Variants in EHBP1L1 observed in about 807,000 individuals in gnomAD.
The protein encoded by EHBP1L1 is EH domain-binding protein 1-like protein 1.
A neutral mutation model predicts 151.1 loss-of-function variants in EHBP1L1; 122 were observed. That is an observed-to-expected ratio of 0.81 (90% CI 0.70 to 0.94). The LOEUF is 0.94. Ranked by LOEUF, EHBP1L1 falls within the 40% of genes least tolerant of loss-of-function variation. The pLI, the probability that EHBP1L1 is intolerant of heterozygous loss-of-function variation, is 0.00. For missense variants in EHBP1L1, 1,941 were observed against 1,959.8 expected, an observed-to-expected ratio of 0.99 and a Z score of 0.18; for synonymous variants, 878 against 810.1, an observed-to-expected ratio of 1.08 and a Z score of -1.42.
chr11:65,580,225 CTT>C lies in EHBP1L1; in HGVS notation c.459_460del (p.Ser154ArgfsTer13). ...KVVQAELSLTLSGVLLREGRA... is the reference protein window; with the variant it reads ...KVVQAELSLTXSGVLLREGRA... ...GGTGCAGGCTGAGCTGAGCCTCACT[CTT>C]TCCGGGGTGCTGCTGCGGGAGGGCC... On this transcript the variant is annotated frameshift_variant, in exon 5 of 19. Coordinates refer to ENST00000309295, the MANE Select transcript of EHBP1L1 (RefSeq NM_001099409.3). LOFTEE classifies it high-confidence loss of function. 6.2e-7 allele frequency: 1 copy of C among 1,613,650 alleles called. No individual in the cohort carries two copies. The highest frequency in any genetic ancestry group is 8.5e-7 in the Non-Finnish European group (1 of 1,179,872).
intron 6 of EHBP1L1, 169 bp from the exon 7 acceptor site, chr11:65,580,889 T>C (rs1281591498): frequency 7.0e-7 from 1 of 1,421,086 alleles, no homozygotes; most frequent in Non-Finnish European, 9.2e-7. Context: ...GTTCTCTCTC[T>C]CTTTCTCTCC....
chr11:65,587,696 C>A (rs1444473798), intron 12 of EHBP1L1, among the ~76,000 whole-genome samples: 1 of 152,210 alleles, frequency 6.6e-6, no homozygotes, highest in Non-Finnish European at 1.5e-5. Context: ...ATTTTACATA[C>A]AAGGACACAA....
At position 65,592,415 on chromosome 11, in the gene EHBP1L1, G is replaced by A; in HGVS notation, c.*113G>A. ...CGGAGGCCGCGCGCGTGTCCGCTAG[G>A]GGCCGCCGGCGCCCTTCCCCGTACA... On this transcript the variant is annotated 3_prime_UTR_variant, in exon 19 of 19. Coordinates refer to ENST00000309295, the MANE Select transcript of EHBP1L1 (RefSeq NM_001099409.3). 1 of 781,098 alleles carries A rather than the reference G, an allele frequency of 1.3e-6. No homozygotes were observed. The highest frequency in any genetic ancestry group is 1.6e-6 in the Non-Finnish European group (1 of 623,328). 48.4% of individuals were successfully genotyped at this position (781,098 alleles called of 1,614,324 possible).
Position 65,583,687 on chromosome 11 carries a change from C to T in EHBP1L1, c.3015C>T (p.Ala1005=). Residue 1005 remains alanine (A), a synonymous_variant, in exon 9 of 19, where the codon GCC becomes GCT. Coordinates refer to ENST00000309295, the MANE Select transcript of EHBP1L1 (RefSeq NM_001099409.3). ...TEASLPEAQV[A]SGAGAGAPRA... Reference sequence around the variant, plus strand: ...CCAGCCTGCCTGAAGCACAGGTGGCCAGTGGGGCAGGGGCTGGGGCGCCCA... The same window carrying T: ...CCAGCCTGCCTGAAGCACAGGTGGCTAGTGGGGCAGGGGCTGGGGCGCCCA... 1 of 1,576,950 alleles carries T rather than the reference C, an allele frequency of 6.3e-7. No homozygotes were observed. Among genetic ancestry groups the T allele is most frequent in the Non-Finnish European group, 8.6e-7 (1 of 1,161,970 alleles).
Position 65,584,943 on chromosome 11 carries a change from T to G in EHBP1L1, c.3301-16T>G. 3 of 1,532,624 alleles carry G rather than the reference T, an allele frequency of 2.0e-6. No homozygotes were observed. Among genetic ancestry groups the G allele is most frequent in the Non-Finnish European group, 2.6e-6 (3 of 1,145,482 alleles). 94.9% of individuals were successfully genotyped at this position (1,532,624 alleles called of 1,614,324 possible). A position where few individuals can be genotyped will look rare whatever the true frequency, so the allele number is the denominator to read the frequency against. On this transcript the variant is annotated splice_polypyrimidine_tract_variant and intron_variant, in intron 11 of 18. Transcript: ENST00000309295. Reference sequence around the variant, plus strand: ...GGCCACCGCCGCCGCTGACCCCGAGTGCACCCTTCCCCTAGGCCTTCGATG... The same window carrying G: ...GGCCACCGCCGCCGCTGACCCCGAGGGCACCCTTCCCCTAGGCCTTCGATG...
In EHBP1L1 at chr11:65,590,347, C is replaced by G. The variant is rs1260236928; in HGVS notation, c.4183+137C>G. ...CGTTCCCATTTTACAGCCAGGCATG[C>G]TGAGGCCCTGAAGTGGCTTCCTCGA... On this transcript the variant is annotated intron_variant, in intron 15 of 18. Transcript: ENST00000309295. 48 of 1,510,002 alleles carry G rather than the reference C, an allele frequency of 3.2e-5. No individual in the cohort carries two copies. In the Admixed American group the frequency reaches 8.7e-4, roughly 27 times the overall value. 93.5% of individuals were successfully genotyped at this position (1,510,002 alleles called of 1,614,324 possible).
At position 65,583,210 on chromosome 11, in the gene EHBP1L1, C is replaced by T. The variant is rs1017031113; in HGVS notation, c.2538C>T (p.Val846=). 5.0e-6 allele frequency: 8 copies of T among 1,612,720 alleles called. No individual in the cohort carries two copies. The highest frequency in any genetic ancestry group is 2.2e-5 in the East Asian group (1 of 44,862). ...TAGCTGGGGCCCAGGAGACAGAGGT[C>T]GGGGGTTCAGGGATCTCAGGGCCCG... ...SEVAGAQETE[V]GGSGISGPEA... Residue 846 remains valine (V), a synonymous_variant, in exon 9 of 19, where the codon GTC becomes GTT. Transcript: ENST00000309295.
chr11:65,584,751 C>A (rs1419890619), intron 11 of EHBP1L1: 3 of 972,612 alleles, frequency 3.1e-6, no homozygotes, highest in Non-Finnish European at 4.5e-6. Context: ...CCAAAACCAC[C>A]CTTTGGTAAC....
In EHBP1L1 at chr11:65,585,134, C is replaced by T. The variant is rs760278160; in HGVS notation, c.3476C>T (p.Thr1159Met). Residue 1159 changes from threonine (T) to methionine (M), a missense_variant, in exon 12 of 19, where the codon ACG becomes ATG. By Grantham distance (81) the Thr-to-Met change is moderately conservative. Transcript: ENST00000309295. This position sits in a 1 kb window ranked among gnomAD's most constrained non-coding sequence, Gnocchi z 4.0. ...CTGGAGGGCGGCGGCGGCGCCGGCA[C>T]GTACCGCGTGGGCAGCGCCCAGCCC... ...VQLEGGGGAG[T>M]YRVGSAQPSP... 2 of 1,476,090 alleles carry T rather than the reference C, an allele frequency of 1.4e-6. No individual in the cohort carries two copies. The highest frequency in any genetic ancestry group is 8.9e-7 in the Non-Finnish European group (1 of 1,120,416). 91.4% of individuals were successfully genotyped at this position (1,476,090 alleles called of 1,614,324 possible).
chr11:65,583,263 T>C lies in EHBP1L1; in HGVS notation c.2591T>C (p.Leu864Pro), dbSNP rs1227016230. Reference sequence around the variant, plus strand: ...GCTGGAATGGCAGAGGCCCGAGTACTGATGACCCGTAAGACAGAAATTATA... The same window carrying C: ...GCTGGAATGGCAGAGGCCCGAGTACCGATGACCCGTAAGACAGAAATTATA... ...PEAGMAEARV[L>P]MTRKTEIIVP... is the part of the protein sequence containing the mutation. Residue 864 changes from leucine (L) to proline (P), a missense_variant, in exon 9 of 19, where the codon CTG (leucine) becomes CCG (proline). Coordinates refer to ENST00000309295, the MANE Select transcript of EHBP1L1 (RefSeq NM_001099409.3). 42 of 1,608,676 alleles carry C rather than the reference T, an allele frequency of 2.6e-5. No individual in the cohort carries two copies. Among genetic ancestry groups the C allele is most frequent in the Non-Finnish European group, 3.5e-5 (41 of 1,175,582 alleles).
chr11:65,581,567 GC>G lies in EHBP1L1; in HGVS notation c.900del (p.Thr301ProfsTer132). 1.3e-6 allele frequency: 2 copies of G among 1,509,846 alleles called. No homozygotes were observed. The highest frequency in any genetic ancestry group is 8.8e-7 in the Non-Finnish European group (1 of 1,130,240). 93.5% of individuals were successfully genotyped at this position (1,509,846 alleles called of 1,614,324 possible). A position where few individuals can be genotyped will look rare whatever the true frequency, so the allele number is the denominator to read the frequency against. ...RSSRQPAQDT[A>X]PTPAPRLRKG... ...TTCAAGGCAGCCAGCCCAGGACACG[GC>G]CCCCACCCCAGCCCCTCGGCTCCGG... On this transcript the variant is annotated frameshift_variant, in exon 9 of 19. Coordinates refer to ENST00000309295, the MANE Select transcript of EHBP1L1 (RefSeq NM_001099409.3). LOFTEE classifies it high-confidence loss of function.
At position 65,584,272 on chromosome 11, in the gene EHBP1L1, C is replaced by A. The variant is rs746675224; in HGVS notation, c.3125C>A (p.Ser1042Tyr). 8 of 1,611,048 alleles carry A rather than the reference C, an allele frequency of 5.0e-6. No homozygotes were observed. The highest frequency in any genetic ancestry group is 6.8e-6 in the Non-Finnish European group (8 of 1,178,900). The change falls in exon 10 of 19, where the codon TCC becomes TAC. Residue 1042 changes from serine to tyrosine, a missense_variant. Physicochemically the swap from Ser to Tyr is moderately radical, Grantham distance 144. Transcript: ENST00000309295. ...CCTGCCCTGGTCAGCTCCAGCCAGT[C>A]CCTGCTGGAGTGGTGCCAGGAAGTC... is the stretch of plus-strand genomic sequence containing the variant. ...APPALVSSSQ[S>Y]LLEWCQEVTT...
At position 65,585,619 on chromosome 11, in the gene EHBP1L1, C is replaced by CCCG; in HGVS notation, c.3933+33_3933+35dup. 6.5e-7 allele frequency: 1 copy of CCCG among 1,546,796 alleles called. No individual in the cohort carries two copies. The highest frequency in any genetic ancestry group is 1.4e-5 in the African/African-American group (1 of 73,488). On this transcript the variant is annotated intron_variant, in intron 12 of 18. Transcript: ENST00000309295. The surrounding 1 kb of genome is among the most constrained non-coding windows in gnomAD (Gnocchi z 4.0). The stretch of plus-strand genomic sequence containing the variant: ...GAGTGTCAAGGTCCTTCTTTCTTCC[C>CCCG]CCGCCGCAGCGCGGGGTCCCGGGAA...
Position 65,582,050 on chromosome 11 carries a change from A to G in EHBP1L1, c.1378A>G (p.Arg460Gly), listed in dbSNP as rs1443295334. The G allele has an allele frequency of 7.4e-6, 12 of 1,612,966 alleles. No homozygotes were observed. Among genetic ancestry groups the G allele is most frequent in the South Asian group, 2.2e-5 (2 of 91,080 alleles). The change falls in exon 9 of 19, where the codon AGG (arginine) becomes GGG (glycine). Residue 460 changes from arginine (R) to glycine (G), a missense_variant. By Grantham distance (125) the Arg-to-Gly change is moderately radical. Transcript: ENST00000309295. Reference protein sequence around the residue: ...RCRGTPEAPPRGSQGRLGVRT... With the variant: ...RCRGTPEAPPGGSQGRLGVRT... ...CAGGGGGACCCCTGAGGCTCCTCCA[A>G]GGGGCTCTCAGGGGAGGCTGGGAGT...
chr11:65,578,988 A>G (rs1857452096), intron 1 of EHBP1L1, 90 bp from the exon 2 acceptor site: 2 of 1,287,016 alleles, frequency 1.6e-6, no homozygotes, highest in African/African-American at 2.9e-5. Flanking sequence ...ACCCTGAGGG[A>G]GCTGGGGGAG....
rs772557430 is a variant in EHBP1L1, at chr11:65,589,959, C to G, written c.4027C>G (p.Pro1343Ala). ...AGGTGGGAGTTCCCCCTCGGAGGAA[C>G]CACCCCCAAGCCCAGGGGAGGAGGC... The part of the protein sequence containing the change: ...PPGGSSPSEE[P>A]PPSPGEEAGL... The change falls in exon 14 of 19, where the codon CCA becomes GCA. Residue 1343 changes from proline to alanine, a missense_variant. Physicochemically the swap from Pro to Ala is conservative, Grantham distance 27. Coordinates refer to ENST00000309295, the MANE Select transcript of EHBP1L1 (RefSeq NM_001099409.3). 6.3e-7 allele frequency: 1 copy of G among 1,578,612 alleles called. No homozygotes were observed. The highest frequency in any genetic ancestry group is 2.3e-5 in the East Asian group (1 of 44,236).
chr11:65,585,362 C>T lies in EHBP1L1; in HGVS notation c.3704C>T (p.Pro1235Leu), dbSNP rs1239030992. 3.4e-6 allele frequency: 4 copies of T among 1,175,290 alleles called. No individual in the cohort carries two copies. Among genetic ancestry groups the T allele is most frequent in the Admixed American group, 5.0e-5 (1 of 19,946 alleles). 72.8% of individuals were successfully genotyped at this position (1,175,290 alleles called of 1,614,324 possible). A position where few individuals can be genotyped will look rare whatever the true frequency, so the allele number is the denominator to read the frequency against. Reference sequence around the variant, plus strand: ...CGAGAGTCGCGACCCGCGGAGGTCCCGGCCGAGGGGCTGGTGAACGGGGCG... The same window carrying T: ...CGAGAGTCGCGACCCGCGGAGGTCCTGGCCGAGGGGCTGGTGAACGGGGCG... ...APRESRPAEV[P>L]AEGLVNGAGA... The change falls in exon 12 of 19, where the codon CCG becomes CTG. Residue 1235 changes from proline (P) to leucine (L), a missense_variant. Pro to Leu is a moderately conservative substitution (Grantham distance 98). Transcript: ENST00000309295. The surrounding 1 kb of genome is among the most constrained non-coding windows in gnomAD (Gnocchi z 4.0).
At chr11:65,578,827 C>T (rs1857443072) in intron 1 of EHBP1L1, among the ~76,000 whole-genome samples, 2 of 152,228 alleles carry the variant, frequency 1.3e-5, no homozygotes, top group South Asian at 2.1e-4. Flanking sequence ...GCTGTCTTTC[C>T]TCATAGTCCC....
chr11:65,580,538 C>A, intron 6 of EHBP1L1, 59 bp downstream of exon 6: 1 of 1,571,846 alleles, frequency 6.4e-7, no homozygotes, highest in South Asian at 1.2e-5. Context: ...GAGGGTTACC[C>A]GGGCCACCAG....
Sources: gnomAD v4.1 joint callset for allele counts (sites outside exome capture counted in the v4.1 genomes callset) on GRCh38, gnomAD v4.1.1 for gene constraint, Gnocchi (gnomAD v3.1) non-coding constraint, MANE v1.5 for transcripts, NCBI Gene and HGNC (gene_info 2026-07-23, HGNC 2026-07-21) for gene names.